Variants in ALDH1L2 observed in about 807,000 individuals in gnomAD.
ALDH1L2 encodes the protein aldehyde dehydrogenase 1 family member L2, also known as mitochondrial 10-formyltetrahydrofolate dehydrogenase.
ALDH1L2 carries 91 observed loss-of-function variants against 111.0 expected under a neutral mutation model. The observed-to-expected ratio is 0.82, with a 90% CI of 0.69 to 0.98. ALDH1L2 has a LOEUF of 0.98. Among genes scored for constraint, ALDH1L2 ranks in the 50% least tolerant of loss-of-function variants. ALDH1L2 has a pLI of 0.00. For synonymous variants in ALDH1L2, 374 were observed against 392.6 expected (o/e 0.95, Z 0.56); for missense variants, 995 against 1,126.8 (o/e 0.88, Z 1.67).
chr12:105,068,642 A>T, intron 4 of ALDH1L2, 77 bp downstream of exon 4: 1 of 1,271,850 alleles, frequency 7.9e-7, no homozygotes, highest in Non-Finnish European at 1.0e-6. Flanking sequence ...ATTCATATGG[A>T]TAATTTCTTC....
At chr12:105,034,627 G>A (rs1874882705) in intron 18 of ALDH1L2, among the ~76,000 whole-genome samples, 1 of 152,066 alleles carries the variant, frequency 6.6e-6, no homozygotes, top group Admixed American at 6.6e-5. Context: ...TGGTCCCTGA[G>A]CATTTTTTTA....
At chr12:105,066,323 A>G (rs532880090) in intron 5 of ALDH1L2, among the ~76,000 whole-genome samples, 121 of 151,892 alleles carry the variant, frequency 8.0e-4, no homozygotes, top group Non-Finnish European at 1.3e-3. Context: ...GTGCCCACCC[A>G]CTCCAGCATT....
rs758853950 is a variant in ALDH1L2 at position 105,035,837 on chromosome 12, A to ATGTG, written c.2146-1440_2146-1439insCACA. On this transcript the variant is annotated intron_variant, in intron 18 of 22. Coordinates refer to ENST00000258494, the MANE Select transcript of ALDH1L2 (RefSeq NM_001034173.4). ...ATATATAGTGTGTCTATATATATATATATGTGTGTGTGTGTGTGTGTGTGT... is the reference window on the plus strand; with the variant it reads ...ATATATAGTGTGTCTATATATATATATGTGTATGTGTGTGTGTGTGTGTGTGTGT... Among the ~76,000 whole-genome samples the ATGTG allele has an allele frequency of 3.5e-4, 33 of 95,638 alleles. 5 individuals carry two copies. Among genetic ancestry groups the ATGTG allele is most frequent in the East Asian group, 2.6e-3 (7 of 2,722 alleles). 62.7% of individuals were successfully genotyped at this position (95,638 alleles called of 152,430 possible).
chr12:105,043,076 G>A (rs1277911656), intron 15 of ALDH1L2, among the ~76,000 whole-genome samples: 1 of 152,164 alleles, frequency 6.6e-6, no homozygotes, highest in East Asian at 1.9e-4. Context: ...TTGTATGGCT[G>A]GATAACGCTG....
rs563828877 is a variant in ALDH1L2 at position 105,020,803 on chromosome 12, T to C, written c.*3621A>G. On this transcript the variant is annotated 3_prime_UTR_variant, in exon 23 of 23. Transcript: ENST00000258494. ...CAAGAGTTGCAGGAAGAGGCAGTGG[T>C]GTGCTGGTGCTGGCTTGCATTTGTT... 2.0e-5 allele frequency: 3 copies of C among 152,358 alleles called. No homozygotes were observed. Among genetic ancestry groups the C allele is most frequent in the South Asian group, 4.2e-4 (2 of 4,810 alleles). The allele number at this position is 152,358 out of a possible 1,614,324, so 9.4% of individuals were successfully genotyped here.
At chr12:105,056,811 T>C (rs550690459) in intron 10 of ALDH1L2, among the ~76,000 whole-genome samples, 1 of 146,496 alleles carries the variant, frequency 6.8e-6, no homozygotes, top group South Asian at 2.3e-4. Flanking sequence ...AAAGGCATAC[T>C]AGACATATTT....
At chr12:105,039,910 CA>C (rs1353690506) in intron 16 of ALDH1L2, 104 bp from the exon 17 acceptor site, 1 of 943,012 alleles carries the variant, frequency 1.1e-6, no homozygotes, top group African/African-American at 1.6e-5. Flanking sequence ...GCAAGCAGAT[CA>C]CAAGGTCAGG....
rs771506611 is a variant in ALDH1L2 at position 105,058,127 on chromosome 12, C to G, written c.1233G>C (p.Lys411Asn). Residue 411 changes from lysine to asparagine, a missense_variant, in exon 10 of 23, where the codon AAG (lysine) becomes AAC (asparagine). Lys to Asn is a moderately conservative substitution (Grantham distance 94, BLOSUM62 0). Coordinates refer to ENST00000258494, the MANE Select transcript of ALDH1L2 (RefSeq NM_001034173.4). ...MATKFEGFIQ[K>N]VVRKLRGEDQ... Reference sequence around the variant, plus strand: ...CTTCTCCTCTCAGTTTCCTCACGACCTTTTGGATAAAGCCTTCAAACTTGG... The same window carrying G: ...CTTCTCCTCTCAGTTTCCTCACGACGTTTTGGATAAAGCCTTCAAACTTGG... The G allele has an allele frequency of 1.2e-5, 19 of 1,613,540 alleles. No individual in the cohort carries two copies. The highest frequency in any genetic ancestry group is 1.6e-5 in the Non-Finnish European group (19 of 1,179,872).
At chr12:105,053,906 C>G (rs999085418) in intron 10 of ALDH1L2, among the ~76,000 whole-genome samples, 1 of 151,378 alleles carries the variant, frequency 6.6e-6, no homozygotes, top group African/African-American at 2.4e-5. Context: ...AGTCAAGTAA[C>G]AGAAGACGTA....
At position 105,061,110 on chromosome 12, in the gene ALDH1L2, G is replaced by A. The variant is rs201302270; in HGVS notation, c.1048-38C>T. 569 of 1,537,752 alleles carry A rather than the reference G, an allele frequency of 3.7e-4. 2 individuals are homozygous for A. Among genetic ancestry groups the A allele is most frequent in the South Asian group, 1.8e-4 (16 of 89,368 alleles). ...GAAACTCTTATGAGGGAAGTGCCAC[G>A]TAGAACAATGTGGCAGAGACTGGGC... On this transcript the variant is annotated intron_variant, in intron 8 of 22. Transcript: ENST00000258494.
chr12:105,039,634 CAAA>C (rs1420933242), intron 17 of ALDH1L2, 76 bp downstream of exon 17: 2 of 1,189,616 alleles, frequency 1.7e-6, no homozygotes, highest in African/African-American at 3.0e-5. Flanking sequence ...TTTTCTCACT[CAAA>C]AAGTACCCTG....
chr12:105,047,882 T>C (rs916503723), intron 13 of ALDH1L2: 2 of 152,214 alleles, frequency 1.3e-5, no homozygotes, highest in Non-Finnish European at 2.9e-5. Context: ...AAGCCTCCCA[T>C]AATCAAACAT....
In ALDH1L2 at chr12:105,046,882, C is replaced by T; in HGVS notation, c.1757+17G>A. 1 of 1,613,872 alleles carries T rather than the reference C, an allele frequency of 6.2e-7. No homozygotes were observed. The highest frequency in any genetic ancestry group is 8.5e-7 in the Non-Finnish European group (1 of 1,179,780). The stretch of plus-strand genomic sequence containing the variant: ...ACACAACTCATGATTCACTCAGAGG[C>T]ACTCTCCTTATCTTACCCGAGTGGC... On this transcript the variant is annotated intron_variant, in intron 14 of 22. Coordinates refer to ENST00000258494, the MANE Select transcript of ALDH1L2 (RefSeq NM_001034173.4).
intron 18 of ALDH1L2, among the ~76,000 whole-genome samples, chr12:105,036,470 TAC>T (rs1264127419): frequency 1.8e-5 from 2 of 113,118 alleles, no homozygotes; most frequent in African/African-American, 3.1e-5. Flanking sequence ...TGTGTGTATA[TAC>T]ACACACATAT....
chr12:105,050,573 C>T (rs1876193426), intron 12 of ALDH1L2: 1 of 382,250 alleles, frequency 2.6e-6, no homozygotes, highest in Admixed American at 3.1e-5. Context: ...TTGTGTTCAA[C>T]TTCTCTATTT....
At chr12:105,026,961 T>C (rs1330830288) in intron 21 of ALDH1L2, among the ~76,000 whole-genome samples, 1 of 152,158 alleles carries the variant, frequency 6.6e-6, no homozygotes, top group African/African-American at 2.4e-5. Flanking sequence ...CTCCATCTCC[T>C]TGGACTCAAG....
chr12:105,043,609 AAACT>A (rs1326761725), intron 15 of ALDH1L2, among the ~76,000 whole-genome samples: 6 of 152,254 alleles, frequency 3.9e-5, no homozygotes, highest in Admixed American at 2.0e-4. Flanking sequence ...AGATGTTTAA[AAACT>A]AACTATCCTG....
In ALDH1L2 at chr12:105,035,599, T is replaced by A. The variant is rs185978182; in HGVS notation, c.2146-1201A>T. Among the ~76,000 whole-genome samples the A allele has an allele frequency of 1.8e-4, 27 of 152,222 alleles. No homozygotes were observed. The East Asian group carries it at 5.2e-3, about 29-fold the overall frequency. On this transcript the variant is annotated intron_variant, in intron 18 of 22. Coordinates refer to ENST00000258494, the MANE Select transcript of ALDH1L2 (RefSeq NM_001034173.4). The stretch of plus-strand genomic sequence containing the variant: ...TCCCAAAGTGCTGAGATTATAGGCG[T>A]AAGCCACCACGTGCAGCCATAAATC...
intron 11 of ALDH1L2, 117 bp from the exon 12 acceptor site, chr12:105,052,334 A>G: frequency 9.1e-7 from 1 of 1,100,170 alleles, no homozygotes; most frequent in Non-Finnish European, 1.2e-6. Context: ...AAGTTATGAT[A>G]AGAAATGAGT....
Sources: allele counts gnomAD v4.1 joint callset (sites outside exome capture counted in the v4.1 genomes callset), GRCh38; gene constraint gnomAD v4.1.1; transcripts MANE v1.5; gene names NCBI Gene and HGNC (gene_info 2026-07-23, HGNC 2026-07-21).